Variants in NEK6 observed in about 807,000 individuals in gnomAD.
NEK6 encodes serine/threonine-protein kinase Nek6.
In NEK6, 27 loss-of-function variants were observed where a neutral mutation model predicts 43.5. That is an observed-to-expected ratio of 0.62 (90% confidence interval 0.46 to 0.86). The LOEUF (loss-of-function observed/expected upper bound fraction) is 0.86. Ranked by LOEUF, NEK6 falls within the 40% of genes least tolerant of loss-of-function variation. The pLI, the probability that NEK6 is intolerant of heterozygous loss-of-function variation, is 0.00. For missense variants in NEK6, 318 were observed against 414.4 expected (o/e 0.77, Z 2.02); for synonymous variants, 167 against 164.1 (o/e 1.02, Z -0.14).
chr9:124,312,540 C>T lies in NEK6; in HGVS notation c.122C>T (p.Ser41Leu), dbSNP rs763278157. The change falls in exon 3 of 10, where the codon TCG (serine) becomes TTG (leucine). Residue 41 changes from serine (S) to leucine (L), a missense_variant. By Grantham distance (145) the Ser-to-Leu change is moderately radical. Transcript: ENST00000320246. ...CCCAACACGCTGTCTTTTCGCTGCT[C>T]GCTGGCGGACTTCCAGATCGAAAAG... ...RHPNTLSFRC[S>L]LADFQIEKKI... 6.2e-6 allele frequency: 10 copies of T among 1,614,012 alleles called. No homozygotes were observed. In the Admixed American group the frequency reaches 1.0e-4, roughly 16 times the overall value.
At chr9:124,341,858 T>C (rs1445854320) in intron 8 of NEK6, among the ~76,000 whole-genome samples, 1 of 152,188 alleles carries the variant, frequency 6.6e-6, no homozygotes, top group Non-Finnish European at 1.5e-5. Context: ...AACCTGCTGG[T>C]GTAGGGCCCT....
intron 7 of NEK6, among the ~76,000 whole-genome samples, chr9:124,332,093 G>A: frequency 6.6e-6 from 1 of 152,240 alleles, no homozygotes; most frequent in Non-Finnish European, 1.5e-5. Flanking sequence ...GGGGAGGGAA[G>A]GAGAGGGAAG....
chr9:124,282,137 G>A (rs1450088808), intron 1 of NEK6, among the ~76,000 whole-genome samples: 3 of 152,216 alleles, frequency 2.0e-5, no homozygotes, highest in Admixed American at 2.0e-4. Flanking sequence ...CTCTCTTGGA[G>A]AATCCTGGAG....
chr9:124,291,280 A>G (rs1832407756), intron 1 of NEK6, among the ~76,000 whole-genome samples: 1 of 152,148 alleles, frequency 6.6e-6, no homozygotes, highest in Admixed American at 6.5e-5. Context: ...ATGGGCAACC[A>G]AGGATTTGGG....
chr9:124,282,338 C>T (rs1202306613), intron 1 of NEK6, among the ~76,000 whole-genome samples: 1 of 152,228 alleles, frequency 6.6e-6, no homozygotes, highest in Non-Finnish European at 1.5e-5. Context: ...CTTCCTTGTG[C>T]GTCTGTCTCT....
chr9:124,343,651 C>T lies in NEK6; in HGVS notation c.717+3986C>T, dbSNP rs894203714. Among the ~76,000 whole-genome samples the T allele has an allele frequency of 2.6e-5, 4 of 152,152 alleles. No individual in the cohort carries two copies. The highest frequency in any genetic ancestry group is 1.9e-4 in the East Asian group (1 of 5,184). On this transcript the variant is annotated intron_variant, in intron 8 of 9. Transcript: ENST00000320246. This position sits in a 1 kb window ranked among gnomAD's most constrained non-coding sequence, Gnocchi z 5.1. Reference sequence around the variant, plus strand: ...ATTGGAAAGAGGCCTCCCGCAGTCACGCCCGGAGCCTCCCGCCCCACAGCC... The same window carrying T: ...ATTGGAAAGAGGCCTCCCGCAGTCATGCCCGGAGCCTCCCGCCCCACAGCC...
In NEK6 at chr9:124,284,579, A is replaced by G. The variant is rs78615756; in HGVS notation, c.-29-17357A>G. On this transcript the variant is annotated intron_variant, in intron 1 of 9. Coordinates refer to ENST00000320246, the MANE Select transcript of NEK6 (RefSeq NM_014397.6). The stretch of plus-strand genomic sequence containing the variant: ...GCGTTCAGCACAAAATTCCCAGTTA[A>G]TGGGTTCCAGTGTCTTAAAAAGGCA... Among the ~76,000 whole-genome samples the G allele has an allele frequency of 6.2e-3, 946 of 152,344 alleles. 13 individuals are homozygous for G. Among genetic ancestry groups the G allele is most frequent in the African/African-American group, 0.021 (888 of 41,594 alleles).
In NEK6 at chr9:124,351,033, A is replaced by G. The variant is rs1830251023; in HGVS notation, c.*86A>G. ...TCTTCGAGTGGCCACCTGGTAGCCTAGAACAGCTAAGACCACAGGGTTCAG... is the reference window on the plus strand; with the variant it reads ...TCTTCGAGTGGCCACCTGGTAGCCTGGAACAGCTAAGACCACAGGGTTCAG... On this transcript the variant is annotated 3_prime_UTR_variant, in exon 10 of 10. Transcript: ENST00000320246. 2 of 854,034 alleles carry G rather than the reference A, an allele frequency of 2.3e-6. No homozygotes were observed. Among genetic ancestry groups the G allele is most frequent in the African/African-American group, 3.3e-5 (2 of 60,202 alleles). The allele number at this position is 854,034 out of a possible 1,614,324, so 52.9% of individuals were successfully genotyped here.
At chr9:124,292,610 A>G (rs1055039083) in intron 1 of NEK6, 27 of 1,519,834 alleles carry the variant, frequency 1.8e-5, no homozygotes, top group Non-Finnish European at 2.1e-5. Flanking sequence ...TTCCACTGTC[A>G]GTCAGCAGGG....
At chr9:124,292,088 G>C in intron 1 of NEK6, 1 of 1,049,812 alleles carries the variant, frequency 9.5e-7, no homozygotes, top group Non-Finnish European at 1.2e-6. Flanking sequence ...CACTTCAAAA[G>C]GTACCCTGAC....
intron 2 of NEK6, among the ~76,000 whole-genome samples, chr9:124,310,122 G>A (rs1465581459): frequency 6.6e-6 from 1 of 152,214 alleles, no homozygotes; most frequent in African/African-American, 2.4e-5. Flanking sequence ...AAGAGCTTGG[G>A]CACCACAGTC....
At chr9:124,296,503 C>A (rs1336578368) in intron 1 of NEK6, among the ~76,000 whole-genome samples, 1 of 152,200 alleles carries the variant, frequency 6.6e-6, no homozygotes, top group African/African-American at 2.4e-5. Flanking sequence ...ACAGAACGAG[C>A]CTGGTGGACA....
intron 1 of NEK6, among the ~76,000 whole-genome samples, chr9:124,295,672 C>A (rs751088563): frequency 9.2e-5 from 14 of 152,152 alleles, no homozygotes; most frequent in African/African-American, 3.4e-4. Flanking sequence ...TAAGTGTGAA[C>A]GAGGTATGAG....
chr9:124,334,691 G>A (rs1263692789), intron 7 of NEK6, among the ~76,000 whole-genome samples: 2 of 152,220 alleles, frequency 1.3e-5, no homozygotes, highest in Non-Finnish European at 2.9e-5. Flanking sequence ...AAAGGAGCCC[G>A]CAAGGTGGCA....
chr9:124,278,458 G>A (rs544625850), intron 1 of NEK6, among the ~76,000 whole-genome samples: 3 of 152,274 alleles, frequency 2.0e-5, no homozygotes, highest in South Asian at 2.1e-4. Context: ...GTCGTTTTCC[G>A]TGGAGGAGAA....
rs748517740 is a variant in NEK6, at chr9:124,310,072, CG to C, written c.91-2436del. On this transcript the variant is annotated intron_variant, in intron 2 of 9. Coordinates refer to ENST00000320246, the MANE Select transcript of NEK6 (RefSeq NM_014397.6). ...GGTCAGGGGGTCTTGAGTGAAAAGCCGAGGAGGGATCTGAGCTGAGAGCCCA... is the reference window on the plus strand; with the variant it reads ...GGTCAGGGGGTCTTGAGTGAAAAGCCAGGAGGGATCTGAGCTGAGAGCCCA... Among the ~76,000 whole-genome samples the C allele has an allele frequency of 7.9e-5, 12 of 152,288 alleles. No homozygotes were observed. In the East Asian group the frequency reaches 2.1e-3, roughly 27 times the overall value.
At chr9:124,281,111 G>C (rs574180847) in intron 1 of NEK6, among the ~76,000 whole-genome samples, 2 of 152,268 alleles carry the variant, frequency 1.3e-5, no homozygotes, top group South Asian at 2.1e-4. Context: ...CCCGCTTTTC[G>C]CTTGTGTTTT....
chr9:124,292,343 T>G (rs1832463511), intron 1 of NEK6: 2 of 1,460,852 alleles, frequency 1.4e-6, no homozygotes, highest in Non-Finnish European at 1.8e-6. Flanking sequence ...TGCTTTCACA[T>G]TGAGTAATCC....
intron 1 of NEK6, among the ~76,000 whole-genome samples, chr9:124,287,381 G>A (rs764046659): frequency 2.0e-5 from 3 of 152,224 alleles, no homozygotes; most frequent in Non-Finnish European, 2.9e-5. Context: ...CTTGCTACCC[G>A]CTGGTAAGGG....
Sources: allele counts gnomAD v4.1 joint callset (sites outside exome capture counted in the v4.1 genomes callset), GRCh38; gene constraint gnomAD v4.1.1; non-coding constraint Gnocchi (gnomAD v3.1); transcripts MANE v1.5; gene names NCBI Gene and HGNC (gene_info 2026-07-23, HGNC 2026-07-21).